DLGAP2: variants seen among roughly 807,000 people sequenced by gnomAD.
DLGAP2 encodes DLG associated protein 2, also known as disks large-associated protein 2.
In DLGAP2, 26 loss-of-function variants were observed where a neutral mutation model predicts 100.3. The ratio of observed to expected loss-of-function variants is 0.26; its 90% CI spans 0.19 to 0.36. The LOEUF (loss-of-function observed/expected upper bound fraction) is 0.36, where lower values mean the gene tolerates loss of function less well. Ranked by LOEUF, DLGAP2 falls within the 10% of genes least tolerant of loss-of-function variation. The pLI is 1.00. For synonymous variants in DLGAP2, 886 were observed against 630.1 expected (o/e 1.41, Z -6.08); for missense variants, 1,858 against 1,453.2 (o/e 1.28, Z -4.53).
intron 3 of DLGAP2, among the ~76,000 whole-genome samples, chr8:1,473,721 A>G (rs1418197998): frequency 6.6e-6 from 1 of 152,136 alleles, no homozygotes; most frequent in Non-Finnish European, 1.5e-5. Context: ...ACCCAGTGGG[A>G]GATCACTGAA....
intron 1 of DLGAP2, among the ~76,000 whole-genome samples, chr8:824,634 AC>A (rs1445512845): frequency 2.0e-5 from 3 of 149,476 alleles, no homozygotes; most frequent in African/African-American, 5.0e-5. Context: ...ATGACTGCTG[AC>A]CTCCTGGTGG....
chr8:1,417,939 C>T (rs551515548), intron 3 of DLGAP2, among the ~76,000 whole-genome samples: 1 of 152,138 alleles, frequency 6.6e-6, no homozygotes, highest in South Asian at 2.1e-4. Context: ...AAATAGCTAC[C>T]ACTGACATTC....
At chr8:1,627,419 AG>A (rs1339772050) in intron 7 of DLGAP2, among the ~76,000 whole-genome samples, 2 of 152,328 alleles carry the variant, frequency 1.3e-5, no homozygotes, top group East Asian at 3.9e-4. Flanking sequence ...TATTAAAATC[AG>A]GTGCCTGAGA....
At chr8:1,099,096 A>G (rs1804495641) in intron 2 of DLGAP2, among the ~76,000 whole-genome samples, 2 of 152,076 alleles carry the variant, frequency 1.3e-5, no homozygotes, top group Non-Finnish European at 2.9e-5. Flanking sequence ...GAAGGCAAAA[A>G]CTATTTACTA....
chr8:1,188,398 C>T (rs1300882692), intron 2 of DLGAP2, among the ~76,000 whole-genome samples: 3 of 124,946 alleles, frequency 2.4e-5, no homozygotes, highest in East Asian at 2.2e-4. Flanking sequence ...CCGGGACCTC[C>T]ATGACATTTG....
chr8:1,555,021 T>C (rs1023223733), intron 5 of DLGAP2, among the ~76,000 whole-genome samples: 1 of 152,204 alleles, frequency 6.6e-6, no homozygotes, highest in Non-Finnish European at 1.5e-5. Context: ...TGCTCCACTC[T>C]AATGCACGTT....
At chr8:1,452,694 G>A (rs1232045961) in intron 3 of DLGAP2, among the ~76,000 whole-genome samples, 1 of 152,240 alleles carries the variant, frequency 6.6e-6, no homozygotes, top group Non-Finnish European at 1.5e-5. Context: ...TGCGGGTTCT[G>A]CGCTGGGCAG....
intron 4 of DLGAP2, among the ~76,000 whole-genome samples, chr8:1,538,788 C>T (rs756899447): frequency 1.3e-5 from 2 of 152,120 alleles, no homozygotes; most frequent in African/African-American, 4.8e-5. Flanking sequence ...TCCAGAGAGT[C>T]ACGCCCCGGG....
At chr8:1,451,740 A>G (rs1388295184) in intron 3 of DLGAP2, among the ~76,000 whole-genome samples, 1 of 152,072 alleles carries the variant, frequency 6.6e-6, no homozygotes, top group Non-Finnish European at 1.5e-5. Context: ...ATCTATGTCC[A>G]GGAGCTCCCT....
chr8:1,566,090 C>A lies in DLGAP2; in HGVS notation c.1442+196C>A, dbSNP rs565976341. Among the ~76,000 whole-genome samples, 6 of 152,294 alleles carry A rather than the reference C, an allele frequency of 3.9e-5. No homozygotes were observed. The South Asian group carries it at 1.2e-3, about 32-fold the overall frequency. Reference sequence around the variant, plus strand: ...CAGAGCTTTTGTTATTTATCAATTACATAATAATTAAGGAAGTGTGCTTGG... The same window carrying A: ...CAGAGCTTTTGTTATTTATCAATTAAATAATAATTAAGGAAGTGTGCTTGG... On this transcript the variant is annotated intron_variant, in intron 6 of 14. Coordinates refer to ENST00000637795, the MANE Select transcript of DLGAP2 (RefSeq NM_001346810.2).
chr8:1,094,665 G>T (rs577959948), intron 2 of DLGAP2, among the ~76,000 whole-genome samples: 1 of 152,312 alleles, frequency 6.6e-6, no homozygotes, highest in East Asian at 1.9e-4. Flanking sequence ...CCCTCAAAAT[G>T]CCCTCTGTTT....
At chr8:894,147 T>C (rs1798092895) in intron 1 of DLGAP2, among the ~76,000 whole-genome samples, 1 of 152,188 alleles carries the variant, frequency 6.6e-6, no homozygotes, top group Non-Finnish European at 1.5e-5. Flanking sequence ...ATGTTTCTGC[T>C]GTTGGAGGCT....
chr8:1,030,761 C>T (rs1427299770), intron 2 of DLGAP2, among the ~76,000 whole-genome samples: 2 of 152,066 alleles, frequency 1.3e-5, no homozygotes, highest in Non-Finnish European at 2.9e-5. Context: ...TCCTAGAGAC[C>T]CAGGTTATTG....
chr8:1,620,801 C>A (rs560032681), intron 6 of DLGAP2, among the ~76,000 whole-genome samples: 1 of 152,316 alleles, frequency 6.6e-6, no homozygotes, highest in African/African-American at 2.4e-5. Flanking sequence ...CCGTCCTGAG[C>A]TCCCAGCTCA....
intron 2 of DLGAP2, among the ~76,000 whole-genome samples, chr8:1,027,533 C>T (rs1275530472): frequency 1.7e-5 from 2 of 119,120 alleles, no homozygotes; most frequent in African/African-American, 6.6e-5. Flanking sequence ...GTAGGGTGCT[C>T]GGTGCCCATT....
chr8:1,453,789 C>T (rs942828141), intron 3 of DLGAP2, among the ~76,000 whole-genome samples: 2 of 152,190 alleles, frequency 1.3e-5, no homozygotes, highest in African/African-American at 4.8e-5. Flanking sequence ...CAACATACTC[C>T]CAACCCATAA....
chr8:985,606 G>T (rs1237810387), intron 2 of DLGAP2, among the ~76,000 whole-genome samples: 1 of 152,204 alleles, frequency 6.6e-6, no homozygotes, highest in African/African-American at 2.4e-5. Context: ...CATGTAGGAG[G>T]TTTATAATGT....
intron 3 of DLGAP2, among the ~76,000 whole-genome samples, chr8:1,409,008 T>A (rs1003408168): frequency 3.3e-5 from 5 of 152,194 alleles, no homozygotes; most frequent in African/African-American, 1.2e-4. Context: ...AATCCACCTA[T>A]GAAAAAGACA....
At chr8:1,240,060 GTCTAGTTATCTCACATGGTGCCGTT>G (rs1462484150) in intron 2 of DLGAP2, among the ~76,000 whole-genome samples, 29 of 150,982 alleles carry the variant, frequency 1.9e-4, no homozygotes, top group African/African-American at 6.6e-4. Flanking sequence ...ATGGCGCCGT[GTCTAGTTATCTCACATGGTGCCGTT>G]TCTAGTTCTC....
Sources: gnomAD v4.1 joint callset for allele counts (sites outside exome capture counted in the v4.1 genomes callset) on GRCh38, gnomAD v4.1.1 for gene constraint, MANE v1.5 for transcripts, NCBI Gene and HGNC (gene_info 2026-07-23, HGNC 2026-07-21) for gene names.